The following STK11 variants were observed in gnomAD, a reference collection of about 807,000 sequenced individuals.
The protein encoded by STK11 is serine/threonine-protein kinase STK11.
A neutral mutation model predicts 47.3 loss-of-function variants in STK11; 8 were observed. That is an observed-to-expected ratio of 0.17 (90% CI 0.10 to 0.31). The LOEUF (loss-of-function observed/expected upper bound fraction) is 0.31, where lower values mean the gene tolerates loss of function less well. STK11 is among the 10% of genes least tolerant of loss of function. STK11 has a pLI of 1.00. For synonymous variants in STK11, 330 were observed against 255.8 expected (o/e 1.29, Z -2.77); for missense variants, 475 against 605.0 (o/e 0.79, Z 2.25).
At chr19:1,223,728 G>A (rs960313927) in intron 8 of STK11, 3 of 1,041,558 alleles carry the variant, frequency 2.9e-6, no homozygotes, top group Non-Finnish European at 3.5e-6. Flanking sequence ...GAAGCCTCTC[G>A]GCCGGCGCCG....
rs1309035591 is a variant in STK11 at position 1,205,931 on chromosome 19, C to T, written c.-983C>T. ...CTGGGCCCCCCTCGCCGCTCCGCCT[C>T]CTCCACACGCGCGGCGGCCGCGGCG... is the stretch of plus-strand genomic sequence containing the variant. On this transcript the variant is annotated 5_prime_UTR_variant, in exon 1 of 10. Transcript: ENST00000326873. The T allele has an allele frequency of 1.2e-5, 2 of 165,662 alleles. No individual in the cohort carries two copies. Among genetic ancestry groups the T allele is most frequent in the Middle Eastern group, 2.5e-3 (1 of 396 alleles). The allele number at this position is 165,662 out of a possible 1,614,324, so 10.3% of individuals were successfully genotyped here.
rs587782259 is a variant in STK11 at position 1,226,655 on chromosome 19, C to T, written c.*8C>T. ...GCCTGCAAGCAGCAGTGAGGCTGGCCGCCTGCAGGTGGGGCGCGGCGGGGC... is the reference window on the plus strand; with the variant it reads ...GCCTGCAAGCAGCAGTGAGGCTGGCTGCCTGCAGGTGGGGCGCGGCGGGGC... On this transcript the variant is annotated 3_prime_UTR_variant, in exon 9 of 10. Coordinates refer to ENST00000326873, the MANE Select transcript of STK11 (RefSeq NM_000455.5). The T allele has an allele frequency of 2.8e-4, 419 of 1,513,214 alleles. No homozygotes were observed. The highest frequency in any genetic ancestry group is 4.7e-4 in the Admixed American group (21 of 45,154). 93.7% of individuals were successfully genotyped at this position (1,513,214 alleles called of 1,614,324 possible).
intron 8 of STK11, chr19:1,224,484 G>T: frequency 1.0e-6 from 1 of 985,474 alleles, no homozygotes; most frequent in Non-Finnish European, 1.2e-6. Context: ...CTGGTGCCCT[G>T]AGACGGGCAG....
At position 1,225,218 on chromosome 19, in the gene STK11, G is replaced by C. The variant is rs1171461852; in HGVS notation, c.1109-1236G>C. Reference sequence around the variant, plus strand: ...GGGTCTGCCCCACCAGAGACGGGCTGGGCCCAAGCTCAGACCTATGGGTGC... The same window carrying C: ...GGGTCTGCCCCACCAGAGACGGGCTCGGCCCAAGCTCAGACCTATGGGTGC... On this transcript the variant is annotated intron_variant, in intron 8 of 9. Coordinates refer to ENST00000326873, the MANE Select transcript of STK11 (RefSeq NM_000455.5). The C allele has an allele frequency of 3.0e-6, 3 of 985,474 alleles. No homozygotes were observed. The East Asian group carries it at 3.4e-4, about 112-fold the overall frequency. 61.0% of individuals were successfully genotyped at this position (985,474 alleles called of 1,614,324 possible). A position where few individuals can be genotyped will look rare whatever the true frequency, so the allele number is the denominator to read the frequency against.
Position 1,227,629 on chromosome 19 carries a change from G to T in STK11, c.*53G>T. The T allele has an allele frequency of 2.8e-6, 3 of 1,067,150 alleles. No individual in the cohort carries two copies. The highest frequency in any genetic ancestry group is 3.4e-6 in the Non-Finnish European group (3 of 880,508). 66.1% of individuals were successfully genotyped at this position (1,067,150 alleles called of 1,614,324 possible). On this transcript the variant is annotated 3_prime_UTR_variant, in exon 10 of 10. Coordinates refer to ENST00000326873, the MANE Select transcript of STK11 (RefSeq NM_000455.5). ...GAGCCCCGCCAGGTGCCCGCGCCAG[G>T]CCCTCAGTCTTCCTGCCGGTTCCGC...
At chr19:1,225,000 A>G (rs7247576) in intron 8 of STK11, 274,407 of 985,444 alleles carry the variant, frequency 0.28, 39,251 homozygotes, top group East Asian at 0.66. Context: ...GGGCTGCTGC[A>G]TCGGCCTCTG....
chr19:1,225,834 CT>C (rs1278466628), intron 8 of STK11: 1 of 985,916 alleles, frequency 1.0e-6, no homozygotes, highest in African/African-American at 1.7e-5. Flanking sequence ...GCTTCCTGCA[CT>C]TTCCCCTGCC....
intron 1 of STK11, among the ~76,000 whole-genome samples, chr19:1,213,078 G>C (rs1047059744): frequency 7.0e-6 from 1 of 141,902 alleles, no homozygotes; most frequent in African/African-American, 2.6e-5. Context: ...CTCACTGCAA[G>C]CTCTGCCTCC....
chr19:1,226,652 G>C lies in STK11; in HGVS notation c.*5G>C. On this transcript the variant is annotated 3_prime_UTR_variant, in exon 9 of 10. Coordinates refer to ENST00000326873, the MANE Select transcript of STK11 (RefSeq NM_000455.5). ...TCGGCCTGCAAGCAGCAGTGAGGCTGGCCGCCTGCAGGTGGGGCGCGGCGG... is the reference window on the plus strand; with the variant it reads ...TCGGCCTGCAAGCAGCAGTGAGGCTCGCCGCCTGCAGGTGGGGCGCGGCGG... 6.6e-7 allele frequency: 1 copy of C among 1,516,750 alleles called. No individual in the cohort carries two copies. The highest frequency in any genetic ancestry group is 8.8e-7 in the Non-Finnish European group (1 of 1,134,090). The allele number at this position is 1,516,750 out of a possible 1,614,324, so 94.0% of individuals were successfully genotyped here.
Position 1,226,445 on chromosome 19 carries a change from C to G in STK11, c.1109-9C>G, listed in dbSNP as rs745698182. ...TCAGCTCAGGCCACACTTGCCGTCT[C>G]CCTCCCAGGACAGGTCCCAGAAGAG... is the stretch of plus-strand genomic sequence containing the variant. On this transcript the variant is annotated splice_polypyrimidine_tract_variant and intron_variant, in intron 8 of 9. Coordinates refer to ENST00000326873, the MANE Select transcript of STK11 (RefSeq NM_000455.5). The G allele has an allele frequency of 6.2e-7, 1 of 1,609,206 alleles. No individual in the cohort carries two copies. The highest frequency in any genetic ancestry group is 8.5e-7 in the Non-Finnish European group (1 of 1,178,578).
rs1016942739 is a variant in STK11 at position 1,227,611 on chromosome 19, G to T, written c.*35G>T. 6.6e-6 allele frequency: 7 copies of T among 1,065,302 alleles called. No individual in the cohort carries two copies. The highest frequency in any genetic ancestry group is 4.1e-4 in the Middle Eastern group (1 of 2,426). The allele number at this position is 1,065,302 out of a possible 1,614,324, so 66.0% of individuals were successfully genotyped here. Reference sequence around the variant, plus strand: ...CCTGCAGCCCGTGTCCAGGAGCCCCGCCAGGTGCCCGCGCCAGGCCCTCAG... The same window carrying T: ...CCTGCAGCCCGTGTCCAGGAGCCCCTCCAGGTGCCCGCGCCAGGCCCTCAG... On this transcript the variant is annotated 3_prime_UTR_variant, in exon 10 of 10. Transcript: ENST00000326873.
At chr19:1,213,932 C>G (rs183488126) in intron 1 of STK11, among the ~76,000 whole-genome samples, 235 of 152,340 alleles carry the variant, frequency 1.5e-3, no homozygotes, top group Non-Finnish European at 2.8e-3. Context: ...TCTAGGCAGA[C>G]GGAGGCTCCT....
rs187623231 is a variant in STK11 at position 1,225,354 on chromosome 19, C to G, written c.1109-1100C>G. On this transcript the variant is annotated intron_variant, in intron 8 of 9. Transcript: ENST00000326873. ...GTGGTGCGATCTCGGCTCACTGCAA[C>G]CTCCACCTCCCGGATTCAAGCAATT... 1,117 of 917,086 alleles carry G rather than the reference C, an allele frequency of 1.2e-3. 1 individual carries two copies. The highest frequency in any genetic ancestry group is 1.4e-3 in the Non-Finnish European group (1,056 of 767,688). The allele number at this position is 917,086 out of a possible 1,614,324, so 56.8% of individuals were successfully genotyped here.
At position 1,220,484 on chromosome 19, in the gene STK11, C is replaced by T. The variant is rs878853991; in HGVS notation, c.576C>T (p.Ile192=). ...LLLTTGGTLK[I]SDLGVAEALH... is the part of the protein sequence containing the mutation. ...TCACCACCGGTGGCACCCTCAAAAT[C>T]TCCGACCTGGGCGTGGCCGAGGTAG... The change falls in exon 4 of 10, where the codon ATC becomes ATT. Residue 192 remains isoleucine (I), a synonymous_variant. Transcript: ENST00000326873. The T allele has an allele frequency of 1.9e-6, 3 of 1,606,062 alleles. No individual in the cohort carries two copies. The highest frequency in any genetic ancestry group is 2.5e-6 in the Non-Finnish European group (3 of 1,176,890).
intron 8 of STK11, chr19:1,226,196 C>T (rs180903366): frequency 2.2e-5 from 30 of 1,336,096 alleles, no homozygotes; most frequent in East Asian, 3.1e-5. Context: ...GTCCCACCTG[C>T]GGCCATGGCA....
intron 9 of STK11, chr19:1,227,065 G>T (rs1568718595): frequency 9.8e-6 from 2 of 203,678 alleles, no homozygotes; most frequent in Non-Finnish European, 2.0e-5. Context: ...GTGGGGAGGG[G>T]CCGCGGCCTC....
chr19:1,225,357 C>G, intron 8 of STK11: 1 of 914,470 alleles, frequency 1.1e-6, no homozygotes, highest in Non-Finnish European at 1.3e-6. Flanking sequence ...ACTGCAACCT[C>G]CACCTCCCGG....
rs786201330 is a variant in STK11 at position 1,226,584 on chromosome 19, T to C, written c.1239T>C (p.Pro413=). 6.3e-7 allele frequency: 1 copy of C among 1,576,960 alleles called. No individual in the cohort carries two copies. Among genetic ancestry groups the C allele is most frequent in the Middle Eastern group, 1.8e-4 (1 of 5,694 alleles). ...KSRAEGRAPN[P]ARKACSASSK... is the part of the protein sequence containing the mutation. ...GGGCGGAGGGCCGGGCCCCCAACCCTGCCCGCAAGGCCTGCTCCGCCAGCA... is the reference window on the plus strand; with the variant it reads ...GGGCGGAGGGCCGGGCCCCCAACCCCGCCCGCAAGGCCTGCTCCGCCAGCA... Residue 413 remains proline, a synonymous_variant, in exon 9 of 10, where the codon CCT becomes CCC. Transcript: ENST00000326873.
rs1373476434 is a variant in STK11 at position 1,218,466 on chromosome 19, G to A, written c.340G>A (p.Val114Met). The A allele has an allele frequency of 6.2e-7, 1 of 1,613,588 alleles. No homozygotes were observed. Among genetic ancestry groups the A allele is most frequent in the East Asian group, 2.2e-5 (1 of 44,896 alleles). The change falls in exon 2 of 10, where the codon GTG becomes ATG. Residue 114 changes from valine (V) to methionine (M), a missense_variant. By Grantham distance (21) the Val-to-Met change is conservative. Transcript: ENST00000326873. ...ACGGCACAAAAATGTCATCCAGCTG[G>A]TGGATGTGTTATACAACGAAGAGAA... ...RLRHKNVIQL[V>M]DVLYNEEKQK... is the part of the protein sequence containing the mutation.
Sources: allele counts gnomAD v4.1 joint callset (sites outside exome capture counted in the v4.1 genomes callset), GRCh38; gene constraint gnomAD v4.1.1; transcripts MANE v1.5; gene names NCBI Gene and HGNC (gene_info 2026-07-23, HGNC 2026-07-21).